Variants in TRABD2B observed in about 807,000 individuals in gnomAD.
The protein encoded by TRABD2B is metalloprotease TIKI2.
TRABD2B carries 14 observed loss-of-function variants against 40.1 expected under a neutral mutation model. The observed-to-expected ratio is 0.35, with a 90% CI of 0.23 to 0.55. The LOEUF (loss-of-function observed/expected upper bound fraction) is 0.55, where lower values mean the gene tolerates loss of function less well. TRABD2B is among the 20% of genes least tolerant of loss of function. The pLI is 0.90. For missense variants in TRABD2B, 541 were observed against 648.6 expected (o/e 0.83, Z 1.80); for synonymous variants, 263 against 277.0 (o/e 0.95, Z 0.50).
chr1:47,962,308 C>T (rs1645532862), intron 2 of TRABD2B, among the ~76,000 whole-genome samples: 1 of 152,148 alleles, frequency 6.6e-6, no homozygotes, highest in South Asian at 2.1e-4. Flanking sequence ...TACATGTATA[C>T]ATATGTACCA....
Position 47,813,324 on chromosome 1 carries a change from A to G in TRABD2B, c.667-11705T>C, listed in dbSNP as rs1285706360. 1.3e-5 allele frequency among the ~76,000 whole-genome samples: 2 copies of G among 152,080 alleles called. No individual in the cohort carries two copies. Among genetic ancestry groups the G allele is most frequent in the Non-Finnish European group, 2.9e-5 (2 of 68,012 alleles). On this transcript the variant is annotated intron_variant, in intron 2 of 6. Coordinates refer to ENST00000606738, the MANE Select transcript of TRABD2B (RefSeq NM_001194986.2). The surrounding 1 kb of genome is among the most constrained non-coding windows in gnomAD (Gnocchi z 4.3). ...TAGTCCTGGGCAGTAGCCAAGGAGG[A>G]CCGGATTGGAGGGGGCACCTCCAGG... is the stretch of plus-strand genomic sequence containing the variant.
intron 2 of TRABD2B, among the ~76,000 whole-genome samples, chr1:47,816,868 A>G (rs1002273493): frequency 1.3e-5 from 2 of 152,210 alleles, no homozygotes; most frequent in Admixed American, 1.3e-4. Context: ...CAAAGGAGGC[A>G]CAGAGAGGTT....
chr1:47,790,915 C>T (rs1419795983), intron 4 of TRABD2B, among the ~76,000 whole-genome samples: 5 of 152,164 alleles, frequency 3.3e-5, no homozygotes, highest in Non-Finnish European at 7.4e-5. Flanking sequence ...GATGTATTGT[C>T]CCAGTTTTAC....
chr1:47,874,549 G>A (rs545253788), intron 2 of TRABD2B, among the ~76,000 whole-genome samples: 1 of 149,250 alleles, frequency 6.7e-6, no homozygotes, highest in African/African-American at 2.5e-5. Context: ...TGGGATTACA[G>A]GCGTGAGCCA....
intron 2 of TRABD2B, among the ~76,000 whole-genome samples, chr1:47,857,280 C>A (rs935998832): frequency 6.6e-6 from 1 of 152,170 alleles, no homozygotes; most frequent in Admixed American, 6.5e-5. Context: ...GGACCCTCCC[C>A]CTTCCTGAAG....
At chr1:47,822,004 C>T (rs903980039) in intron 2 of TRABD2B, among the ~76,000 whole-genome samples, 15 of 152,194 alleles carry the variant, frequency 9.9e-5, no homozygotes, top group Non-Finnish European at 2.2e-4. Context: ...GACATTCACA[C>T]AGAGACGTGC....
intron 4 of TRABD2B, among the ~76,000 whole-genome samples, chr1:47,792,466 G>A (rs1334590349): frequency 6.6e-6 from 1 of 152,188 alleles, no homozygotes; most frequent in Non-Finnish European, 1.5e-5. Flanking sequence ...GATAGTGCCA[G>A]TGGGCATGGA....
At chr1:47,869,461 T>G (rs894097540) in intron 2 of TRABD2B, among the ~76,000 whole-genome samples, 3 of 152,268 alleles carry the variant, frequency 2.0e-5, no homozygotes, top group Non-Finnish European at 2.9e-5. Flanking sequence ...GCCACGGTGG[T>G]CCGCAAAAGA....
chr1:47,979,851 G>A (rs1645815729), intron 2 of TRABD2B, among the ~76,000 whole-genome samples: 1 of 152,170 alleles, frequency 6.6e-6, no homozygotes, highest in Admixed American at 6.5e-5. Flanking sequence ...AGGAAACCCA[G>A]TCCTGAGTTC....
At chr1:47,875,674 C>CAAAAAAAAA (rs10541556) in intron 2 of TRABD2B, among the ~76,000 whole-genome samples, 26 of 75,928 alleles carry the variant, frequency 3.4e-4, no homozygotes, top group South Asian at 1.3e-3. Context: ...AACCCTGTCT[C>CAAAAAAAAA]AAAAAAAAAA....
intron 3 of TRABD2B, among the ~76,000 whole-genome samples, chr1:47,797,609 G>A (rs1644765347): frequency 6.6e-6 from 1 of 152,134 alleles, no homozygotes; most frequent in Non-Finnish European, 1.5e-5. Context: ...TTAAAGCCAT[G>A]AAGGAAACTG....
intron 2 of TRABD2B, among the ~76,000 whole-genome samples, chr1:47,972,576 A>G (rs897765031): frequency 6.6e-6 from 1 of 152,134 alleles, no homozygotes; most frequent in African/African-American, 2.4e-5. Flanking sequence ...CAGTCTTGCA[A>G]TCTGAAAGAA....
intron 2 of TRABD2B, among the ~76,000 whole-genome samples, chr1:47,893,617 G>A (rs1419318053): frequency 6.6e-6 from 1 of 152,238 alleles, no homozygotes; most frequent in African/African-American, 2.4e-5. Context: ...ACTTGGCTAT[G>A]AGCTTTTAGA....
intron 6 of TRABD2B, among the ~76,000 whole-genome samples, chr1:47,772,142 G>A (rs1290111301): frequency 1.3e-5 from 2 of 152,062 alleles, no homozygotes; most frequent in East Asian, 3.9e-4. Flanking sequence ...CTTAGGGTCA[G>A]GCAGGTCTGC....
intron 2 of TRABD2B, among the ~76,000 whole-genome samples, chr1:47,984,405 G>C (rs986386360): frequency 6.6e-6 from 1 of 152,250 alleles, no homozygotes; most frequent in Non-Finnish European, 1.5e-5. Context: ...GCGGAGGCCA[G>C]GCCAGAGAGG....
chr1:47,944,024 T>A (rs1645225067), intron 2 of TRABD2B, among the ~76,000 whole-genome samples: 1 of 152,242 alleles, frequency 6.6e-6, no homozygotes, highest in Non-Finnish European at 1.5e-5. Context: ...TGCTATGCAC[T>A]GTCATGAGCA....
intron 2 of TRABD2B, among the ~76,000 whole-genome samples, chr1:47,917,978 C>T (rs1244217004): frequency 2.0e-5 from 3 of 152,222 alleles, no homozygotes; most frequent in African/African-American, 4.8e-5. Context: ...ATTCTTGCAA[C>T]AGTTATTATT....
At chr1:47,869,070 TG>T (rs912574594) in intron 2 of TRABD2B, among the ~76,000 whole-genome samples, 11 of 152,058 alleles carry the variant, frequency 7.2e-5, no homozygotes, top group African/African-American at 2.7e-4. Context: ...TTCCCCCAAA[TG>T]AATTATGCTC....
rs1312841118 is a variant in TRABD2B, at chr1:47,761,778, C to A, written c.*4124G>T. On this transcript the variant is annotated 3_prime_UTR_variant, in exon 7 of 7. Coordinates refer to ENST00000606738, the MANE Select transcript of TRABD2B (RefSeq NM_001194986.2). Reference sequence around the variant, plus strand: ...ACCCTTGGGGGCTCCGGGCCATCCCCAGACAGCTTTGGCTTGGTGGAAATT... The same window carrying A: ...ACCCTTGGGGGCTCCGGGCCATCCCAAGACAGCTTTGGCTTGGTGGAAATT... The A allele has an allele frequency of 6.6e-6, 1 of 152,286 alleles. No individual in the cohort carries two copies. The highest frequency in any genetic ancestry group is 2.4e-5 in the African/African-American group (1 of 41,452). The allele number at this position is 152,286 out of a possible 1,614,324, so 9.4% of individuals were successfully genotyped here.
Sources: gnomAD v4.1 joint callset for allele counts (sites outside exome capture counted in the v4.1 genomes callset) on GRCh38, gnomAD v4.1.1 for gene constraint, Gnocchi (gnomAD v3.1) non-coding constraint, MANE v1.5 for transcripts, NCBI Gene and HGNC (gene_info 2026-07-23, HGNC 2026-07-21) for gene names.